The following MLLT10 variants were observed in gnomAD, a reference collection of about 807,000 sequenced individuals.
MLLT10 encodes the protein protein AF-10.
Under a neutral mutation model 129.1 loss-of-function variants are expected in MLLT10, and 30 were observed. That is an observed-to-expected ratio of 0.23 (90% CI 0.17 to 0.32). The LOEUF is 0.32. MLLT10 is among the 10% of genes least tolerant of loss of function. The probability of loss-of-function intolerance (pLI) is 1.00; values close to 1 mark genes in which losing one functional copy is unlikely to be tolerated. For missense variants in MLLT10, 1,119 were observed against 1,268.3 expected, an observed-to-expected ratio of 0.88 and a Z score of 1.79; for synonymous variants, 490 against 446.4, an observed-to-expected ratio of 1.10 and a Z score of -1.23.
intron 14 of MLLT10, among the ~76,000 whole-genome samples, chr10:21,721,879 ACTTCT>A (rs774358915): frequency 3.3e-5 from 5 of 152,030 alleles, no homozygotes; most frequent in African/African-American, 9.7e-5. Context: ...AAATAATTAC[ACTTCT>A]CTTAATGAGG....
chr10:21,737,823 A>G (rs1357587843), intron 21 of MLLT10, among the ~76,000 whole-genome samples: 7 of 152,276 alleles, frequency 4.6e-5, no homozygotes, highest in Middle Eastern at 3.4e-3. Flanking sequence ...CTTAATTAAC[A>G]TAGAAATTAC....
intron 22 of MLLT10, among the ~76,000 whole-genome samples, chr10:21,741,008 G>C (rs1285021609): frequency 6.6e-6 from 1 of 152,220 alleles, no homozygotes; most frequent in Non-Finnish European, 1.5e-5. Flanking sequence ...CTTGGCAAAT[G>C]AGTGTTCAAA....
intron 5 of MLLT10, among the ~76,000 whole-genome samples, chr10:21,597,845 T>G (rs565443980): frequency 1.3e-5 from 2 of 152,260 alleles, no homozygotes; most frequent in African/African-American, 4.8e-5. Context: ...GTATCACATA[T>G]GTGATTCTGT....
At chr10:21,651,907 T>C (rs1028318783) in intron 9 of MLLT10, 139 bp downstream of exon 9, 8 of 385,598 alleles carry the variant, frequency 2.1e-5, no homozygotes, top group Admixed American at 4.5e-5. Context: ...TCATTTCTTT[T>C]TTTTTTTTTT....
At chr10:21,663,618 G>A (rs765405769) in intron 9 of MLLT10, among the ~76,000 whole-genome samples, 2 of 152,134 alleles carry the variant, frequency 1.3e-5, no homozygotes, top group African/African-American at 4.8e-5. Context: ...AGGCTGGAGT[G>A]CAATGGTGTG....
intron 3 of MLLT10, among the ~76,000 whole-genome samples, chr10:21,545,840 A>G (rs1020014298): frequency 1.3e-5 from 2 of 152,072 alleles, no homozygotes; most frequent in East Asian, 1.9e-4. Flanking sequence ...CTAATTTTAA[A>G]ATTTTTGGTA....
chr10:21,673,004 C>G (rs1189097108), intron 10 of MLLT10, among the ~76,000 whole-genome samples: 2 of 152,138 alleles, frequency 1.3e-5, no homozygotes, highest in Non-Finnish European at 2.9e-5. Flanking sequence ...AGTCCTTCCT[C>G]AGGCATACAT....
chr10:21,741,030 T>G lies in MLLT10; in HGVS notation c.3162+794T>G, dbSNP rs16921903. Among the ~76,000 whole-genome samples the G allele has an allele frequency of 5.1e-3, 778 of 152,310 alleles. 6 individuals are homozygous for G. The highest frequency in any genetic ancestry group is 0.017 in the African/African-American group (720 of 41,574). On this transcript the variant is annotated intron_variant, in intron 22 of 22. Transcript: ENST00000307729. ...AATGAGTGTTCAAAGTTGCAGTGTTTGCTGTTTCCCGTTACTTTGAAAGTT... is the reference window on the plus strand; with the variant it reads ...AATGAGTGTTCAAAGTTGCAGTGTTGGCTGTTTCCCGTTACTTTGAAAGTT...
intron 10 of MLLT10, among the ~76,000 whole-genome samples, chr10:21,671,201 A>G (rs2051365234): frequency 6.6e-6 from 1 of 152,108 alleles, no homozygotes; most frequent in African/African-American, 2.4e-5. Flanking sequence ...GTATTTTAGT[A>G]GAGATGGGAT....
chr10:21,570,453 G>A (rs569580575), intron 3 of MLLT10, among the ~76,000 whole-genome samples: 2 of 152,210 alleles, frequency 1.3e-5, no homozygotes, highest in South Asian at 2.1e-4. Context: ...CATCAAATAT[G>A]TGAAAGTTGT....
intron 3 of MLLT10, among the ~76,000 whole-genome samples, chr10:21,583,169 C>CAAAAT (rs762182229): frequency 1.3e-5 from 2 of 152,116 alleles, no homozygotes; most frequent in Non-Finnish European, 2.9e-5. Flanking sequence ...GACTCCATCT[C>CAAAAT]AAAATAAAAT....
chr10:21,548,396 C>T (rs1279813056), intron 3 of MLLT10, among the ~76,000 whole-genome samples: 3 of 143,972 alleles, frequency 2.1e-5, no homozygotes, highest in East Asian at 2.0e-4. Flanking sequence ...TTTTTTGAGA[C>T]GGAGCCTCTG....
At chr10:21,535,613 T>G (rs1285683059) in intron 2 of MLLT10, among the ~76,000 whole-genome samples, 1 of 152,214 alleles carries the variant, frequency 6.6e-6, no homozygotes, top group Non-Finnish European at 1.5e-5. Flanking sequence ...AGGACACTAG[T>G]AAGATACTTT....
intron 3 of MLLT10, among the ~76,000 whole-genome samples, chr10:21,550,034 G>A (rs2036747232): frequency 6.6e-6 from 1 of 152,178 alleles, no homozygotes; most frequent in African/African-American, 2.4e-5. Context: ...CCTGCAAAAT[G>A]TGGTCATAAA....
rs375883995 is a variant in MLLT10 at position 21,733,823 on chromosome 10, C to G, written c.2552C>G (p.Pro851Arg). 56 of 1,614,022 alleles carry G rather than the reference C, an allele frequency of 3.5e-5. No homozygotes were observed. Among genetic ancestry groups the G allele is most frequent in the Non-Finnish European group, 4.7e-5 (56 of 1,180,034 alleles). Residue 851 changes from proline (P) to arginine (R), a missense_variant, in exon 20 of 23, where the codon CCT becomes CGT. Pro to Arg is a moderately radical substitution (Grantham distance 103, BLOSUM62 -2). Around this residue, in one of 5 missense-constraint regions of MLLT10, gnomAD observed 1,004 missense variants for 1,008.7 expected, o/e 1.00. Coordinates refer to ENST00000307729, the MANE Select transcript of MLLT10 (RefSeq NM_001195626.3). The stretch of plus-strand genomic sequence containing the variant: ...AGCTCATCAGCTCTTTCTACCCCAC[C>G]TCCTGCTGGGCAGAGTCCGGCTCAA... ...TSSSSALSTP[P>R]PAGQSPAQQG...
intron 6 of MLLT10, among the ~76,000 whole-genome samples, chr10:21,613,747 A>T (rs1015939850): frequency 6.6e-6 from 1 of 151,874 alleles, no homozygotes; most frequent in Non-Finnish European, 1.5e-5. Context: ...TACTACAAAT[A>T]TGAAGAAATT....
chr10:21,577,807 C>T (rs2040947274), intron 3 of MLLT10, among the ~76,000 whole-genome samples: 1 of 151,968 alleles, frequency 6.6e-6, no homozygotes. Flanking sequence ...TCTTTGCCAA[C>T]ATTTTTTATT....
In MLLT10 at chr10:21,742,351, T is replaced by TG. The variant is rs1833789562; in HGVS notation, c.*369dup. Reference sequence around the variant, plus strand: ...GATGCAAATAGCAAAACTAAATACTTGCTCCATTTACAAACTACTTGATTT... The same window carrying TG: ...GATGCAAATAGCAAAACTAAATACTTGGCTCCATTTACAAACTACTTGATTT... On this transcript the variant is annotated 3_prime_UTR_variant, in exon 23 of 23. Coordinates refer to ENST00000307729, the MANE Select transcript of MLLT10 (RefSeq NM_001195626.3). 1.2e-5 allele frequency: 3 copies of TG among 248,614 alleles called. No individual in the cohort carries two copies. The highest frequency in any genetic ancestry group is 2.3e-5 in the Non-Finnish European group (3 of 129,226). 15.4% of individuals were successfully genotyped at this position (248,614 alleles called of 1,614,324 possible).
intron 13 of MLLT10, among the ~76,000 whole-genome samples, chr10:21,703,561 T>G (rs1483259324): frequency 6.6e-6 from 1 of 152,036 alleles, no homozygotes; most frequent in Non-Finnish European, 1.5e-5. Context: ...TTCTTTTTTT[T>G]TGAGACAGAG....
Sources: gnomAD v4.1 joint callset for allele counts (sites outside exome capture counted in the v4.1 genomes callset) on GRCh38, gnomAD v4.1.1 for gene constraint, gnomAD v4.1.1 regional missense constraint, MANE v1.5 for transcripts, NCBI Gene and HGNC (gene_info 2026-07-23, HGNC 2026-07-21) for gene names.